TGFBR1: variants seen among roughly 807,000 people sequenced by gnomAD.
TGFBR1 encodes the protein transforming growth factor beta receptor 1, also known as TGF-beta receptor type-1.
TGFBR1 carries 20 observed loss-of-function variants against 55.1 expected under a neutral mutation model. That is an observed-to-expected ratio of 0.36 (90% CI 0.26 to 0.53). The LOEUF is 0.53. Among genes scored for constraint, TGFBR1 ranks in the 20% least tolerant of loss-of-function variants. The pLI, the probability that TGFBR1 is intolerant of heterozygous loss-of-function variation, is 0.91. For synonymous variants in TGFBR1, 220 were observed against 214.8 expected (o/e 1.02, Z -0.21); for missense variants, 385 against 617.6 (o/e 0.62, Z 3.99).
rs553322755 is a variant in TGFBR1, at chr9:99,147,140, T to C, written c.1256-514T>C. ...TCTCTTAGGCTTGGGGACCTAGACT[T>C]GGCTGAGACCTAGTGCCTTAGGTTT... On this transcript the variant is annotated intron_variant, in intron 7 of 8. Transcript: ENST00000374994. Among the ~76,000 whole-genome samples the C allele has an allele frequency of 2.6e-5, 4 of 152,284 alleles. No individual in the cohort carries two copies. The East Asian group carries it at 7.7e-4, about 29-fold the overall frequency.
intron 1 of TGFBR1, among the ~76,000 whole-genome samples, chr9:99,107,649 A>G (rs575981829): frequency 6.6e-6 from 1 of 152,290 alleles, no homozygotes; most frequent in Admixed American, 6.5e-5. Flanking sequence ...TTCTATGGCT[A>G]CTGCCAAACT....
At chr9:99,148,828 T>G (rs1827884132) in intron 8 of TGFBR1, among the ~76,000 whole-genome samples, 1 of 143,934 alleles carries the variant, frequency 6.9e-6, no homozygotes, top group Non-Finnish European at 1.5e-5. Context: ...TGAGACCCTG[T>G]CTCAAAAAAA....
intron 8 of TGFBR1, 85 bp from the exon 9 acceptor site, chr9:99,149,095 A>C: frequency 7.0e-7 from 1 of 1,431,246 alleles, no homozygotes; most frequent in Non-Finnish European, 9.6e-7. Flanking sequence ...TGTCATTTAA[A>C]AAGAAAATTT....
chr9:99,117,110 G>T (rs939808795), intron 1 of TGFBR1, among the ~76,000 whole-genome samples: 2 of 152,100 alleles, frequency 1.3e-5, no homozygotes, highest in Non-Finnish European at 2.9e-5. Context: ...CAGATGAGAC[G>T]GAGTCTCACT....
At chr9:99,106,959 A>G (rs926048939) in intron 1 of TGFBR1, among the ~76,000 whole-genome samples, 1 of 152,220 alleles carries the variant, frequency 6.6e-6, no homozygotes, top group African/African-American at 2.4e-5. Context: ...GAGAATCAGT[A>G]TAGTTAGGCA....
chr9:99,107,404 T>C (rs1826443593), intron 1 of TGFBR1, among the ~76,000 whole-genome samples: 1 of 152,224 alleles, frequency 6.6e-6, no homozygotes, highest in African/African-American at 2.4e-5. Context: ...TGATTCCTTA[T>C]CCCTAGTGCA....
intron 5 of TGFBR1, among the ~76,000 whole-genome samples, chr9:99,143,948 G>A (rs1255541491): frequency 2.0e-5 from 3 of 152,148 alleles, no homozygotes; most frequent in African/African-American, 7.2e-5. Flanking sequence ...ATGTTTTCAA[G>A]GTTCATTTAT....
At chr9:99,107,637 T>G (rs1164296420) in intron 1 of TGFBR1, among the ~76,000 whole-genome samples, 1 of 152,230 alleles carries the variant, frequency 6.6e-6, no homozygotes, top group Non-Finnish European at 1.5e-5. Flanking sequence ...TCATCTAGGC[T>G]TTTCTATGGC....
At chr9:99,105,058 G>A, upstream of TGFBR1, 1 of 567,616 alleles carries the variant, frequency 1.8e-6, no homozygotes, top group Non-Finnish European at 2.3e-6. Context: ...GAGCCCGGCA[G>A]CCAATGGACG....
chr9:99,107,666 C>T (rs919730814), intron 1 of TGFBR1, among the ~76,000 whole-genome samples: 1 of 152,314 alleles, frequency 6.6e-6, no homozygotes, highest in Admixed American at 6.5e-5. Flanking sequence ...AACTAATCTT[C>T]CTCAGCCTTC....
chr9:99,132,500 CT>C lies in TGFBR1; in HGVS notation c.344-4del. ...GTTGATGTTTATTTCACTCGAGGCC[CT>C]TTTTCAGTAAAGTCATCACCTGGCC... On this transcript the variant is annotated splice_polypyrimidine_tract_variant and splice_region_variant and intron_variant, in intron 2 of 8. Coordinates refer to ENST00000374994, the MANE Select transcript of TGFBR1 (RefSeq NM_004612.4). 1 of 1,613,836 alleles carries C rather than the reference CT, an allele frequency of 6.2e-7. No individual in the cohort carries two copies.
At chr9:99,120,142 G>A (rs1033233733) in intron 1 of TGFBR1, among the ~76,000 whole-genome samples, 5 of 152,184 alleles carry the variant, frequency 3.3e-5, no homozygotes, top group Admixed American at 6.5e-5. Context: ...GTAAGTTGAA[G>A]AAATTTAGGT....
chr9:99,106,686 C>T (rs973819614), intron 1 of TGFBR1, among the ~76,000 whole-genome samples: 2 of 152,188 alleles, frequency 1.3e-5, no homozygotes, highest in South Asian at 4.1e-4. Flanking sequence ...CTCAGTTTCC[C>T]AAACCTGTAT....
intron 1 of TGFBR1, chr9:99,128,597 C>G (rs183239547): frequency 6.4e-5 from 35 of 544,870 alleles, no homozygotes; most frequent in Admixed American, 2.6e-4. Flanking sequence ...TTTTTCTATA[C>G]TTGGAAGCAA....
intron 1 of TGFBR1, among the ~76,000 whole-genome samples, chr9:99,117,178 C>G (rs1167614283): frequency 6.6e-6 from 1 of 152,030 alleles, no homozygotes; most frequent in Admixed American, 6.6e-5. Flanking sequence ...ACCTCTGCCT[C>G]CTGGGTTCAA....
At chr9:99,142,051 T>C (rs1224875735) in intron 4 of TGFBR1, among the ~76,000 whole-genome samples, 1 of 152,234 alleles carries the variant, frequency 6.6e-6, no homozygotes, top group African/African-American at 2.4e-5. Flanking sequence ...TTGTCATTTC[T>C]TGTTGAAACT....
rs10625219 is a variant in TGFBR1 at position 99,134,802 on chromosome 9, TTATATATATATATATATATATATA to T, written c.574+2091_574+2114del. 2.4e-3 allele frequency among the ~76,000 whole-genome samples: 100 copies of T among 41,370 alleles called. 6 individuals are homozygous for T. In the Middle Eastern group the frequency reaches 0.048, roughly 20 times the overall value. The allele number at this position is 41,370 out of a possible 152,430, so 27.1% of individuals were successfully genotyped here. On this transcript the variant is annotated intron_variant, in intron 3 of 8. Coordinates refer to ENST00000374994, the MANE Select transcript of TGFBR1 (RefSeq NM_004612.4). Reference sequence around the variant, plus strand: ...AAACAATGGAATAATTCTGTTTCCATTATATATATATATATATATATATATATATATATATATATATATATATAT... The same window carrying T: ...AAACAATGGAATAATTCTGTTTCCATTATATATATATATATATATATATAT...
At chr9:99,147,525 C>T (rs1827834635) in intron 7 of TGFBR1, 129 bp from the exon 8 acceptor site, 1 of 852,370 alleles carries the variant, frequency 1.2e-6, no homozygotes. Context: ...ATAGAGAAAG[C>T]TGTAATCTCT....
chr9:99,129,044 C>T lies in TGFBR1; in HGVS notation c.287C>T (p.Thr96Ile). ...CCCTCTTCAAAAACTGGGTCTGTGA[C>T]TACAACATATTGCTGCAATCAGGAC... Reference protein sequence around the residue: ...CAPSSKTGSVTTTYCCNQDHC... With the variant: ...CAPSSKTGSVITTYCCNQDHC... Residue 96 changes from threonine to isoleucine, a missense_variant, in exon 2 of 9, where the codon ACT (threonine) becomes ATT (isoleucine). Transcript: ENST00000374994. 1 of 1,613,906 alleles carries T rather than the reference C, an allele frequency of 6.2e-7. No homozygotes were observed. Among genetic ancestry groups the T allele is most frequent in the Middle Eastern group, 1.7e-4 (1 of 6,058 alleles).
Sources: allele counts gnomAD v4.1 joint callset (sites outside exome capture counted in the v4.1 genomes callset), GRCh38; gene constraint gnomAD v4.1.1; transcripts MANE v1.5; gene names NCBI Gene and HGNC (gene_info 2026-07-23, HGNC 2026-07-21).